The following LARGE1 variants were observed in gnomAD, a reference collection of about 807,000 sequenced individuals.
The protein encoded by LARGE1 is LARGE xylosyl- and glucuronyltransferase 1.
In LARGE1, 43 loss-of-function variants were observed where a neutral mutation model predicts 87.6. That is an observed-to-expected ratio of 0.49 (90% CI 0.38 to 0.63). The LOEUF (loss-of-function observed/expected upper bound fraction) is 0.63. Among genes scored for constraint, LARGE1 ranks in the 30% least tolerant of loss-of-function variants. LARGE1 has a pLI of 0.00. For synonymous variants in LARGE1, 434 were observed against 394.6 expected (o/e 1.10, Z -1.18); for missense variants, 802 against 1,000.2 (o/e 0.80, Z 2.67).
exon 12 of LARGE1, chr22:33,163,896 G>A (rs2146119025): frequency 6.6e-6 from 1 of 152,326 alleles, no homozygotes; most frequent in South Asian, 2.1e-4. Flanking sequence ...GGCTATCAGT[G>A]CCAAATCATA....
intron 5 of LARGE1, among the ~76,000 whole-genome samples, chr22:33,597,559 T>C (rs2079012441): frequency 6.6e-6 from 1 of 152,156 alleles, no homozygotes; most frequent in Admixed American, 6.5e-5. Context: ...CAATTAAGGA[T>C]GAGTAGGAGG....
At chr22:33,217,008 G>A (rs952117430) in intron 11 of LARGE1, among the ~76,000 whole-genome samples, 6 of 152,146 alleles carry the variant, frequency 3.9e-5, no homozygotes, top group African/African-American at 7.2e-5. Context: ...AAGTTAAAAC[G>A]TCGGACAGTA....
chr22:33,483,371 AC>A (rs1207750320), intron 6 of LARGE1, among the ~76,000 whole-genome samples: 1 of 152,144 alleles, frequency 6.6e-6, no homozygotes, highest in Non-Finnish European at 1.5e-5. Context: ...TCCCCTTGCA[AC>A]CATCAGTCCA....
intron 6 of LARGE1, among the ~76,000 whole-genome samples, chr22:33,451,237 A>C (rs1222922390): frequency 6.6e-6 from 1 of 152,200 alleles, no homozygotes; most frequent in African/African-American, 2.4e-5. Context: ...TTCATCTGGC[A>C]AAGTTTCAGA....
At chr22:33,624,567 C>T (rs1013754810) in intron 4 of LARGE1, among the ~76,000 whole-genome samples, 6 of 151,974 alleles carry the variant, frequency 3.9e-5, no homozygotes, top group Non-Finnish European at 5.9e-5. Flanking sequence ...CACAACAGGC[C>T]GGACACGCTA....
At chr22:33,393,097 T>A (rs2065592056) in intron 7 of LARGE1, among the ~76,000 whole-genome samples, 1 of 152,192 alleles carries the variant, frequency 6.6e-6, no homozygotes, top group Admixed American at 6.5e-5. Flanking sequence ...GAGCTTAAAT[T>A]ATATTCTTAA....
At chr22:33,722,078 C>A (rs2083115538) in intron 2 of LARGE1, among the ~76,000 whole-genome samples, 1 of 152,042 alleles carries the variant, frequency 6.6e-6, no homozygotes, top group East Asian at 1.9e-4. Context: ...ATGGTGAAAC[C>A]CCGTCTCTAC....
chr22:33,451,809 G>A (rs5754557), intron 6 of LARGE1, among the ~76,000 whole-genome samples: 40,268 of 151,964 alleles, frequency 0.26, 6,219 homozygotes, highest in African/African-American at 0.42. Context: ...CACCCGCCTC[G>A]GCCTCCCAAA....
chr22:33,832,282 T>A (rs2062993462), intron 1 of LARGE1, among the ~76,000 whole-genome samples: 1 of 151,822 alleles, frequency 6.6e-6, no homozygotes, highest in African/African-American at 2.4e-5. Flanking sequence ...ATGTATGGAG[T>A]CCCATTCTCA....
chr22:33,700,388 G>A (rs779105513), intron 2 of LARGE1, among the ~76,000 whole-genome samples: 1 of 152,190 alleles, frequency 6.6e-6, no homozygotes, highest in Non-Finnish European at 1.5e-5. Context: ...ACAATGTCCA[G>A]AGAATTAATT....
intron 5 of LARGE1, among the ~76,000 whole-genome samples, chr22:33,585,614 G>A (rs1180008746): frequency 2.0e-5 from 3 of 152,144 alleles, no homozygotes; most frequent in Non-Finnish European, 4.4e-5. Flanking sequence ...AGGAGCCCAC[G>A]AAAATTCCCA....
At chr22:33,133,293 C>T in the LARGE1 span, among the ~76,000 whole-genome samples, 107 of 152,302 alleles carry the variant, frequency 7.0e-4, no homozygotes, top group African/African-American at 2.5e-3. Flanking sequence ...AACCCGTCAT[C>T]TACATTAGGT....
chr22:33,308,833 G>A (rs781757257), intron 11 of LARGE1, among the ~76,000 whole-genome samples: 2 of 152,162 alleles, frequency 1.3e-5, no homozygotes, highest in Admixed American at 6.5e-5. Flanking sequence ...CTAAGACTCA[G>A]GGCAGTTTGT....
intron 2 of LARGE1, among the ~76,000 whole-genome samples, chr22:33,658,276 TA>T (rs1173350158): frequency 2.6e-5 from 4 of 152,090 alleles, no homozygotes; most frequent in Admixed American, 6.5e-5. Context: ...TATCAGCATT[TA>T]AAAAAAAATT....
chr22:33,717,602 C>T (rs369910749), intron 2 of LARGE1, among the ~76,000 whole-genome samples: 6 of 152,286 alleles, frequency 3.9e-5, no homozygotes, highest in African/African-American at 1.2e-4. Flanking sequence ...ACAGTGGAAT[C>T]GAGGGCTTGA....
chr22:33,335,621 C>A (rs1173569214), intron 10 of LARGE1, among the ~76,000 whole-genome samples: 2 of 152,206 alleles, frequency 1.3e-5, no homozygotes, highest in African/African-American at 2.4e-5. Context: ...ATCCAACATA[C>A]AACCTCCTAC....
In LARGE1 at chr22:33,273,066, G is replaced by A. The variant is rs1928463949; in HGVS notation, c.*1361C>T. On this transcript the variant is annotated 3_prime_UTR_variant, in exon 15 of 15. Coordinates refer to ENST00000397394, the MANE Select transcript of LARGE1 (RefSeq NM_133642.5). ...TGTCTCAGTAGCTTCCTGCAAGAGT[G>A]GGAGGGGAATGGGGAAGAAACAGTC... 1 of 206,766 alleles carries A rather than the reference G, an allele frequency of 4.8e-6. No individual in the cohort carries two copies. Among genetic ancestry groups the A allele is most frequent in the Admixed American group, 5.9e-5 (1 of 16,936 alleles). The allele number at this position is 206,766 out of a possible 1,614,324, so 12.8% of individuals were successfully genotyped here.
At chr22:33,336,294 G>A (rs1357665769) in intron 10 of LARGE1, among the ~76,000 whole-genome samples, 3 of 152,038 alleles carry the variant, frequency 2.0e-5, no homozygotes, top group Admixed American at 6.6e-5. Flanking sequence ...TCCGCCTCCC[G>A]GGTTCAAGCA....
chr22:33,590,187 A>G (rs1305073603), intron 5 of LARGE1, among the ~76,000 whole-genome samples: 1 of 152,186 alleles, frequency 6.6e-6, no homozygotes, highest in Non-Finnish European at 1.5e-5. Context: ...CGGCTATTCT[A>G]TCCTCTTATG....
Sources: gnomAD v4.1 joint callset for allele counts (sites outside exome capture counted in the v4.1 genomes callset) on GRCh38, gnomAD v4.1.1 for gene constraint, MANE v1.5 for transcripts, NCBI Gene and HGNC (gene_info 2026-07-23, HGNC 2026-07-21) for gene names.